Variants in DMAC2L observed in about 807,000 individuals in gnomAD.
DMAC2L encodes distal membrane arm assembly component 2 like.
A neutral mutation model predicts 22.5 loss-of-function variants in DMAC2L; 21 were observed. That is an observed-to-expected ratio of 0.93 (90% CI 0.66 to 1.34). DMAC2L has a LOEUF of 1.34. Ranked by LOEUF, DMAC2L falls within the 40% of genes most tolerant of loss-of-function variation. DMAC2L has a pLI of 0.00. For missense variants in DMAC2L, 239 were observed against 246.5 expected, an observed-to-expected ratio of 0.97 and a Z score of 0.20; for synonymous variants, 86 against 89.5, an observed-to-expected ratio of 0.96 and a Z score of 0.22.
In DMAC2L at chr14:50,326,661, C is replaced by T. The variant is rs967259457; in HGVS notation, c.*938C>T. On this transcript the variant is annotated 3_prime_UTR_variant, in exon 6 of 6. Coordinates refer to ENST00000557421, the MANE Select transcript of DMAC2L (RefSeq NM_001382507.1). ...ATTAAAACTGGACATAGATACTTGG[C>T]TGAATACAAATAGTTTTGCAGATTG... 1.0e-6 allele frequency: 1 copy of T among 985,208 alleles called. No individual in the cohort carries two copies. Among genetic ancestry groups the T allele is most frequent in the Non-Finnish European group, 1.2e-6 (1 of 829,782 alleles). The allele number at this position is 985,208 out of a possible 1,614,324, so 61.0% of individuals were successfully genotyped here. A position where few individuals can be genotyped will look rare whatever the true frequency, so the allele number is the denominator to read the frequency against.
chr14:50,325,109 T>G (rs2032616279), intron 5 of DMAC2L, among the ~76,000 whole-genome samples: 1 of 142,032 alleles, frequency 7.0e-6, no homozygotes, highest in Non-Finnish European at 1.5e-5. Flanking sequence ...GTGTTAGAGA[T>G]CTCAACATTC....
intron 2 of DMAC2L, among the ~76,000 whole-genome samples, chr14:50,315,478 A>C (rs2031701052): frequency 6.6e-6 from 1 of 151,162 alleles, no homozygotes; most frequent in Non-Finnish European, 1.5e-5. Context: ...CTTGGTCAAC[A>C]TGGTGAAACC....
chr14:50,316,860 T>C (rs2031845778), intron 2 of DMAC2L, among the ~76,000 whole-genome samples: 1 of 152,228 alleles, frequency 6.6e-6, no homozygotes, highest in Non-Finnish European at 1.5e-5. Flanking sequence ...TGCTTAGTCT[T>C]GCTTTGGCTA....
At chr14:50,312,250 C>T (rs1015328037), upstream of DMAC2L, 1 of 1,508,358 alleles carries the variant, frequency 6.6e-7, no homozygotes, top group Admixed American at 1.9e-5. Flanking sequence ...ACGCGGGGGC[C>T]AATGAAGTGG....
At chr14:50,319,450 G>T in intron 2 of DMAC2L, 1 of 1,259,924 alleles carries the variant, frequency 7.9e-7, no homozygotes, top group Non-Finnish European at 1.1e-6. Context: ...AATGATTGAG[G>T]AAAGGACCCT....
At chr14:50,325,577 C>G (rs1017153321) in intron 5 of DMAC2L, 32 bp from the exon 6 acceptor site, 2 of 1,564,922 alleles carry the variant, frequency 1.3e-6, no homozygotes, top group African/African-American at 2.7e-5. Flanking sequence ...TGCTCTTGGC[C>G]AAATTGAAGT....
rs1046401736 is a variant in DMAC2L at position 50,312,328 on chromosome 14, C to G, written c.-103C>G. ...GCGCGCGCGTCGGAGGGCGAAGGGC[C>G]GGCCAGGGTGCCGCAGACGCGGGGA... On this transcript the variant is annotated 5_prime_UTR_variant, in exon 1 of 6. Transcript: ENST00000557421. The G allele has an allele frequency of 1.2e-6, 1 of 859,888 alleles. No homozygotes were observed. The highest frequency in any genetic ancestry group is 1.8e-6 in the Non-Finnish European group (1 of 564,750). The allele number at this position is 859,888 out of a possible 1,614,324, so 53.3% of individuals were successfully genotyped here. A position where few individuals can be genotyped will look rare whatever the true frequency, so the allele number is the denominator to read the frequency against.
intron 3 of DMAC2L, 65 bp downstream of exon 3, chr14:50,321,659 C>T: frequency 8.4e-7 from 1 of 1,197,382 alleles, no homozygotes; most frequent in East Asian, 2.4e-5. Context: ...TTCCCAATAG[C>T]TTGTTTGGCT....
At chr14:50,315,633 G>A (rs2031715393) in intron 2 of DMAC2L, among the ~76,000 whole-genome samples, 1 of 123,518 alleles carries the variant, frequency 8.1e-6, no homozygotes, top group Non-Finnish European at 1.6e-5. Flanking sequence ...CTGCACTCCA[G>A]CCTGGCGACA....
At chr14:50,312,264 G>A (rs2031282646), upstream of DMAC2L, 4 of 1,470,498 alleles carry the variant, frequency 2.7e-6, no homozygotes, top group South Asian at 2.4e-5. Context: ...GAAGTGGCGC[G>A]CCTTCGCCCC....
At chr14:50,315,460 G>C (rs551688736) in intron 2 of DMAC2L, among the ~76,000 whole-genome samples, 91 of 150,864 alleles carry the variant, frequency 6.0e-4, no homozygotes, top group African/African-American at 2.2e-3. Flanking sequence ...TCAGGAGATT[G>C]AGACCATCTT....
At chr14:50,313,172 T>C (rs41313503) in intron 1 of DMAC2L, 14 of 861,192 alleles carry the variant, frequency 1.6e-5, no homozygotes, top group African/African-American at 5.1e-5. Context: ...CTAACACTCA[T>C]TCTGTATGCT....
rs920491986 is a variant in DMAC2L, at chr14:50,327,843, T to A, written c.*2120T>A. ...TAGAAAAATGAATTTTCGTTGTGTT[T>A]AACAATGTTGTGTTTAACAGCTTAT... On this transcript the variant is annotated 3_prime_UTR_variant, in exon 6 of 6. Transcript: ENST00000557421. 1 of 152,222 alleles carries A rather than the reference T, an allele frequency of 6.6e-6. No individual in the cohort carries two copies. The highest frequency in any genetic ancestry group is 2.4e-5 in the African/African-American group (1 of 41,452). The allele number at this position is 152,222 out of a possible 1,614,324, so 9.4% of individuals were successfully genotyped here.
chr14:50,313,316 A>G lies in DMAC2L; in HGVS notation c.-42+927A>G, dbSNP rs2031433071. Among the ~76,000 whole-genome samples, 4 of 152,292 alleles carry G rather than the reference A, an allele frequency of 2.6e-5. No homozygotes were observed. The South Asian group carries it at 6.2e-4, about 24-fold the overall frequency. On this transcript the variant is annotated intron_variant, in intron 1 of 5. Transcript: ENST00000557421. ...GTCTTTGGTCAGGTAGCTCCAGGAA[A>G]TCACTTCACCTCTTTGCCTCAGACC...
chr14:50,313,001 G>T (rs748499367), intron 1 of DMAC2L: 1 of 1,613,990 alleles, frequency 6.2e-7, no homozygotes, highest in Non-Finnish European at 8.5e-7. Context: ...CTTGAGTACT[G>T]AACCGAGATA....
upstream of DMAC2L, chr14:50,311,884 G>T: frequency 7.8e-7 from 1 of 1,289,488 alleles, no homozygotes; most frequent in Non-Finnish European, 1.1e-6. Context: ...CGAGGTTGGA[G>T]TGCCACAGGA....
At chr14:50,311,965 C>T (rs1031000925), upstream of DMAC2L, 6 of 1,541,304 alleles carry the variant, frequency 3.9e-6, no homozygotes, top group Non-Finnish European at 4.4e-6. Flanking sequence ...GGTGCCTCCG[C>T]GAGGGGCAGC....
At chr14:50,312,482 C>A in intron 1 of DMAC2L, 93 bp downstream of exon 1, 2 of 423,794 alleles carry the variant, frequency 4.7e-6, no homozygotes, top group Non-Finnish European at 8.6e-6. Flanking sequence ...TGACTGAAAA[C>A]CTGGCCCTTT....
chr14:50,325,595 T>C lies in DMAC2L; in HGVS notation c.489-14T>C. ...TCTTGGCCAAATTGAAGTGACTTTT[T>C]TCTTTATTTGCAGAAACCTCAAATA... On this transcript the variant is annotated splice_polypyrimidine_tract_variant and intron_variant, in intron 5 of 5. Transcript: ENST00000557421. 6.3e-7 allele frequency: 1 copy of C among 1,592,036 alleles called. No individual in the cohort carries two copies. The highest frequency in any genetic ancestry group is 8.6e-7 in the Non-Finnish European group (1 of 1,167,386).
Sources: allele counts gnomAD v4.1 joint callset (sites outside exome capture counted in the v4.1 genomes callset), GRCh38; gene constraint gnomAD v4.1.1; transcripts MANE v1.5; gene names NCBI Gene and HGNC (gene_info 2026-07-23, HGNC 2026-07-21).